Variants in FIBCD1 observed in about 807,000 individuals in gnomAD.
FIBCD1 encodes fibrinogen C domain-containing protein 1.
Under a neutral mutation model 45.1 loss-of-function variants are expected in FIBCD1, and 47 were observed. The ratio of observed to expected loss-of-function variants is 1.04; its 90% confidence interval spans 0.82 to 1.33. The LOEUF (loss-of-function observed/expected upper bound fraction) is 1.33, where lower values mean the gene tolerates loss of function less well. FIBCD1 is among the 40% of genes most tolerant of loss of function. FIBCD1 has a pLI of 0.00. For synonymous variants in FIBCD1, 313 were observed against 308.1 expected (o/e 1.02, Z -0.17); for missense variants, 653 against 682.2 (o/e 0.96, Z 0.48).
chr9:130,925,349 A>C (rs1259050612), intron 2 of FIBCD1, among the ~76,000 whole-genome samples: 6 of 152,114 alleles, frequency 3.9e-5, no homozygotes, highest in Non-Finnish European at 8.8e-5. Flanking sequence ...GCTGGCAGGA[A>C]AGGGGCCCGG....
chr9:130,935,500 C>G (rs369694256), intron 1 of FIBCD1, among the ~76,000 whole-genome samples: 7 of 152,302 alleles, frequency 4.6e-5, no homozygotes, highest in Non-Finnish European at 1.5e-5. Flanking sequence ...CAAGGTCGCC[C>G]GACAAAGAGT....
intron 2 of FIBCD1, among the ~76,000 whole-genome samples, chr9:130,928,550 AG>A (rs1455886224): frequency 1.3e-5 from 2 of 152,236 alleles, no homozygotes; most frequent in Non-Finnish European, 2.9e-5. Context: ...CAGGGTGATG[AG>A]GACTGTAATT....
intron 4 of FIBCD1, among the ~76,000 whole-genome samples, chr9:130,912,243 A>C (rs985723036): frequency 6.6e-6 from 1 of 151,864 alleles, no homozygotes. Flanking sequence ...CCATCTTTAC[A>C]AAAAATTTAA....
chr9:130,914,950 C>G (rs914386191), intron 4 of FIBCD1, among the ~76,000 whole-genome samples: 5 of 152,260 alleles, frequency 3.3e-5, no homozygotes, highest in African/African-American at 1.2e-4. Flanking sequence ...CCCACCCTTA[C>G]AGGGCCGAAG....
At chr9:130,906,884 A>T (rs184681770) in intron 5 of FIBCD1, among the ~76,000 whole-genome samples, 2 of 152,286 alleles carry the variant, frequency 1.3e-5, no homozygotes, top group East Asian at 3.9e-4. Flanking sequence ...TGCACACATT[A>T]TCCAGGTGCT....
chr9:130,905,901 G>A (rs1831919566), intron 5 of FIBCD1, among the ~76,000 whole-genome samples: 1 of 152,190 alleles, frequency 6.6e-6, no homozygotes, highest in Non-Finnish European at 1.5e-5. Flanking sequence ...TGTCGGCGTT[G>A]AGGACCTCCT....
intron 5 of FIBCD1, 144 bp downstream of exon 5, chr9:130,911,648 G>T (rs1832050502): frequency 3.0e-6 from 2 of 670,370 alleles, no homozygotes; most frequent in Non-Finnish European, 5.2e-6. Flanking sequence ...TCACCTTCAT[G>T]CATGACACCT....
chr9:130,909,156 C>A (rs1040922147), intron 5 of FIBCD1, among the ~76,000 whole-genome samples: 1 of 152,078 alleles, frequency 6.6e-6, no homozygotes, highest in African/African-American at 2.4e-5. Flanking sequence ...GATGTCCACA[C>A]CCTTCTCACC....
Position 130,929,982 on chromosome 9 carries a change from G to A in FIBCD1, c.137C>T (p.Ala46Val), listed in dbSNP as rs370969195. The change falls in exon 2 of 7, where the codon GCT becomes GTT. Residue 46 changes from alanine (A) to valine (V), a missense_variant. Physicochemically the swap from Ala to Val is moderately conservative, Grantham distance 64. Transcript: ENST00000372338. ...CAGGAAGAGCACGGCACCGGTGACA[G>A]CTACAGCCAGCAGCACAGCCAGGGC... is the stretch of plus-strand genomic sequence containing the variant. The part of the protein sequence containing the change: ...LLALAVLLAV[A>V]VTGAVLFLNH... 1.9e-5 allele frequency: 29 copies of A among 1,544,792 alleles called. No individual in the cohort carries two copies. The African/African-American group carries it at 3.5e-4, about 19-fold the overall frequency.
Position 130,924,287 on chromosome 9 carries a change from T to TCG in FIBCD1, c.660_661dup (p.Asp221AlafsTer30), listed in dbSNP as rs2077427202. ...TCCCCGGGCAGGCGCTCTCTGAAGGTCGGCCTTGTTGCGGGGCCGGCCCAG... is the reference window on the plus strand; with the variant it reads ...TCCCCGGGCAGGCGCTCTCTGAAGGTCGCGGCCTTGTTGCGGGGCCGGCCCAG... On this transcript the variant is annotated frameshift_variant, in exon 3 of 7. Transcript: ENST00000372338. LOFTEE classifies it high-confidence loss of function. 6.2e-7 allele frequency: 1 copy of TCG among 1,603,492 alleles called. No homozygotes were observed. The highest frequency in any genetic ancestry group is 1.1e-5 in the South Asian group (1 of 88,838).
chr9:130,929,224 T>C lies in FIBCD1; in HGVS notation c.552+343A>G, dbSNP rs567189411. Among the ~76,000 whole-genome samples the C allele has an allele frequency of 9.9e-5, 15 of 152,266 alleles. 2 individuals are homozygous for C. Among genetic ancestry groups the C allele is most frequent in the South Asian group, 6.2e-4 (3 of 4,828 alleles). On this transcript the variant is annotated intron_variant, in intron 2 of 6. Coordinates refer to ENST00000372338, the MANE Select transcript of FIBCD1 (RefSeq NM_032843.5). ...CCCTCTCTGAGCCTCGATTTGCTCC[T>C]GATGGGGGAATGCCCTGCCTCACCT...
intron 2 of FIBCD1, among the ~76,000 whole-genome samples, chr9:130,924,669 C>G (rs1176268205): frequency 6.6e-6 from 1 of 152,200 alleles, no homozygotes; most frequent in African/African-American, 2.4e-5. Context: ...CACCTGCCAC[C>G]CCTGCTGCCC....
chr9:130,923,676 G>C, intron 4 of FIBCD1, 68 bp downstream of exon 4: 1 of 1,576,468 alleles, frequency 6.3e-7, no homozygotes, highest in Non-Finnish European at 8.6e-7. Flanking sequence ...CGGAATGCCC[G>C]GGTTCAGGTA....
At chr9:130,912,951 A>G (rs1453032258) in intron 4 of FIBCD1, among the ~76,000 whole-genome samples, 1 of 151,984 alleles carries the variant, frequency 6.6e-6, no homozygotes, top group East Asian at 1.9e-4. Context: ...CTTCCCCAAA[A>G]CAAGCCTGGG....
Position 130,929,968 on chromosome 9 carries a change from C to T in FIBCD1, c.151G>A (p.Val51Met), listed in dbSNP as rs777609555. Residue 51 changes from valine to methionine, a missense_variant, in exon 2 of 7, where the codon GTG becomes ATG. Coordinates refer to ENST00000372338, the MANE Select transcript of FIBCD1 (RefSeq NM_032843.5). Reference sequence around the variant, plus strand: ...GCGTGGGCGTGGTTCAGGAAGAGCACGGCACCGGTGACAGCTACAGCCAGC... The same window carrying T: ...GCGTGGGCGTGGTTCAGGAAGAGCATGGCACCGGTGACAGCTACAGCCAGC... ...VLLAVAVTGA[V>M]LFLNHAHAPG... 22 of 1,548,026 alleles carry T rather than the reference C, an allele frequency of 1.4e-5. No homozygotes were observed. Among genetic ancestry groups the T allele is most frequent in the East Asian group, 9.7e-5 (4 of 41,284 alleles).
At chr9:130,924,990 C>T (rs1311649209) in intron 2 of FIBCD1, among the ~76,000 whole-genome samples, 1 of 152,214 alleles carries the variant, frequency 6.6e-6, no homozygotes, top group Non-Finnish European at 1.5e-5. Context: ...GCTGCCTCTT[C>T]CGATCCCGAG....
intron 4 of FIBCD1, among the ~76,000 whole-genome samples, chr9:130,914,927 C>T (rs773832139): frequency 1.3e-5 from 2 of 152,230 alleles, no homozygotes; most frequent in African/African-American, 4.8e-5. Context: ...ACCCTTTCCC[C>T]GAGCCCAGGC....
At chr9:130,904,659 G>A (rs986696751) in intron 6 of FIBCD1, among the ~76,000 whole-genome samples, 1 of 152,204 alleles carries the variant, frequency 6.6e-6, no homozygotes, top group Non-Finnish European at 1.5e-5. Context: ...CCAGCCCAGG[G>A]GGGTCCAGCC....
chr9:130,904,068 C>T lies in FIBCD1; in HGVS notation c.1382G>A (p.Arg461His), dbSNP rs373096970. 2.0e-5 allele frequency: 33 copies of T among 1,611,592 alleles called. No homozygotes were observed. Among genetic ancestry groups the T allele is most frequent in the African/African-American group, 1.2e-4 (9 of 74,904 alleles). Residue 461 changes from arginine to histidine, a missense_variant, in exon 7 of 7, where the codon CGC becomes CAC. Physicochemically the swap from Arg to His is conservative, Grantham distance 29. Coordinates refer to ENST00000372338, the MANE Select transcript of FIBCD1 (RefSeq NM_032843.5). ...CCAAGGACAAGGTGCACCAGTCTAG[C>T]GGTCCTCCCGGACCGGCCGGATCTT... ...EMKIRPVRED[R>H]
Sources: gnomAD v4.1 joint callset for allele counts (sites outside exome capture counted in the v4.1 genomes callset) on GRCh38, gnomAD v4.1.1 for gene constraint, MANE v1.5 for transcripts, NCBI Gene and HGNC (gene_info 2026-07-23, HGNC 2026-07-21) for gene names.